Variants in PRMT1 observed in about 807,000 individuals in gnomAD.
The protein encoded by PRMT1 is protein arginine methyltransferase 1, also known as protein arginine N-methyltransferase 1.
PRMT1 carries 5 observed loss-of-function variants against 47.4 expected under a neutral mutation model. The observed-to-expected ratio is 0.11, with a 90% confidence interval of 0.06 to 0.22. The LOEUF is 0.22. PRMT1 is among the 10% of genes least tolerant of loss of function. PRMT1 has a pLI of 1.00. For missense variants in PRMT1, 249 were observed against 518.4 expected, an observed-to-expected ratio of 0.48 and a Z score of 5.05; for synonymous variants, 227 against 204.6, an observed-to-expected ratio of 1.11 and a Z score of -0.94.
At chr19:49,686,044 G>A (rs1202925355) in intron 8 of PRMT1, 49 bp from the exon 9 acceptor site, 7 of 1,580,080 alleles carry the variant, frequency 4.4e-6, no homozygotes, top group Middle Eastern at 2.0e-4. Flanking sequence ...AGGAGGGGAT[G>A]AAGCGAGGTG....
At chr19:49,686,781 TTGGGGGGGGAGTGG>T in intron 10 of PRMT1, 55 bp downstream of exon 10, 11 of 584,258 alleles carry the variant, frequency 1.9e-5, no homozygotes, top group South Asian at 5.0e-5. Context: ...GGAGTGTAGA[TTGGGGGGGGAGTGG>T]TGGGGGAGGA....
intron 9 of PRMT1, 146 bp downstream of exon 9, chr19:49,686,389 G>A: frequency 7.7e-7 from 1 of 1,292,402 alleles, no homozygotes; most frequent in East Asian, 2.5e-5. Flanking sequence ...GCAGTCACGT[G>A]GCCTTGGGCA....
rs2082114471 is a variant in PRMT1 at position 49,681,249 on chromosome 19, T to C, written c.192+661T>C. Among the ~76,000 whole-genome samples the C allele has an allele frequency of 6.6e-6, 1 of 152,076 alleles. No individual in the cohort carries two copies. The highest frequency in any genetic ancestry group is 2.4e-5 in the African/African-American group (1 of 41,430). On this transcript the variant is annotated intron_variant, in intron 3 of 10. Transcript: ENST00000454376. This position sits in a 1 kb window ranked among gnomAD's most constrained non-coding sequence, Gnocchi z 4.4. Reference sequence around the variant, plus strand: ...ATTTTTCTGTAGAGATAATCTTGCCTTGTTGCCCAGGCTGGTCTCAAACTC... The same window carrying C: ...ATTTTTCTGTAGAGATAATCTTGCCCTGTTGCCCAGGCTGGTCTCAAACTC...
upstream of PRMT1, chr19:49,677,169 C>A: frequency 1.8e-6 from 2 of 1,085,514 alleles, no homozygotes; most frequent in Non-Finnish European, 2.4e-6. Flanking sequence ...ATGAAATCTT[C>A]CAGCGGGGTC....
rs1462222506 is a variant in PRMT1 at position 49,685,750 on chromosome 19, T to G, written c.760-343T>G. The G allele has an allele frequency of 2.8e-6, 3 of 1,090,284 alleles. No homozygotes were observed. Among genetic ancestry groups the G allele is most frequent in the Non-Finnish European group, 3.4e-6 (3 of 895,274 alleles). 67.5% of individuals were successfully genotyped at this position (1,090,284 alleles called of 1,614,324 possible). A position where few individuals can be genotyped will look rare whatever the true frequency, so the allele number is the denominator to read the frequency against. ...GCAGGGTTTAGGTTGGCATTTGTGT[T>G]GCCGTTTGAAGCCATCATGTTGTTG... is the stretch of plus-strand genomic sequence containing the variant. On this transcript the variant is annotated intron_variant, in intron 8 of 10. Coordinates refer to ENST00000454376, the MANE Select transcript of PRMT1 (RefSeq NM_001536.6). This position sits in a 1 kb window ranked among gnomAD's most constrained non-coding sequence, Gnocchi z 4.7.
chr19:49,676,705 G>A (rs1485020896), upstream of PRMT1, among the ~76,000 whole-genome samples: 1 of 152,184 alleles, frequency 6.6e-6, no homozygotes, highest in Non-Finnish European at 1.5e-5. Context: ...TCCACCGAGT[G>A]GACGAGGAGT....
intron 1 of PRMT1, 189 bp from the exon 2 acceptor site, chr19:49,679,683 C>G: frequency 1.2e-4 from 70 of 587,814 alleles, no homozygotes; most frequent in East Asian, 3.5e-4. Context: ...ACCCCCCTTT[C>G]TTCTCCCCTC....
chr19:49,677,016 T>C, upstream of PRMT1: 3 of 385,224 alleles, frequency 7.8e-6, no homozygotes, highest in Middle Eastern at 6.6e-4. Flanking sequence ...CTTCTTGCAA[T>C]AGACGGGCAG....
Position 49,680,355 on chromosome 19 carries a change from G to A in PRMT1, c.91-132G>A. On this transcript the variant is annotated intron_variant, in intron 2 of 10. Transcript: ENST00000454376. The surrounding 1 kb of genome is among the most constrained non-coding windows in gnomAD (Gnocchi z 4.2). The stretch of plus-strand genomic sequence containing the variant: ...CCTGGGGGGGCAAGATGGCAGGCGG[G>A]GGCTGTAGGGTTGTCATGGTATGAT... The A allele has an allele frequency of 1.9e-6, 2 of 1,056,562 alleles. No homozygotes were observed. The highest frequency in any genetic ancestry group is 2.9e-6 in the Non-Finnish European group (2 of 689,998). 65.4% of individuals were successfully genotyped at this position (1,056,562 alleles called of 1,614,324 possible).
rs549468292 is a variant in PRMT1 at position 49,684,239 on chromosome 19, C to T, written c.555+170C>T. ...TGACAGACCCTGGAGGGAGATGGTG[C>T]GATGTGGGGGAGGTCGTAGGAACAG... On this transcript the variant is annotated intron_variant, in intron 6 of 10. Transcript: ENST00000454376. The surrounding 1 kb of genome is among the most constrained non-coding windows in gnomAD (Gnocchi z 6.2). 6.8e-4 allele frequency among the ~76,000 whole-genome samples: 103 copies of T among 151,912 alleles called. 1 individual carries two copies. Among genetic ancestry groups the T allele is most frequent in the African/African-American group, 2.2e-3 (93 of 41,402 alleles).
chr19:49,679,655 C>G, intron 1 of PRMT1: 1 of 693,728 alleles, frequency 1.4e-6, no homozygotes. Flanking sequence ...ATCTCTCCAG[C>G]CACAGCTGGG....
At chr19:49,677,869 G>T (rs2082060843) in intron 1 of PRMT1, among the ~76,000 whole-genome samples, 1 of 151,984 alleles carries the variant, frequency 6.6e-6, no homozygotes, top group Non-Finnish European at 1.5e-5. Flanking sequence ...CATCTGTTGG[G>T]ATATCGGACC....
At chr19:49,687,980 AT>A in intron 10 of PRMT1, 181 bp from the exon 11 acceptor site, 1 of 648,532 alleles carries the variant, frequency 1.5e-6, no homozygotes, top group Non-Finnish European at 2.8e-6. Flanking sequence ...GGGGGTGTCC[AT>A]GTGGTGCTGT....
chr19:49,677,252 G>T, upstream of PRMT1: 1 of 1,418,484 alleles, frequency 7.0e-7, no homozygotes, highest in Non-Finnish European at 9.2e-7. Context: ...GGGTCTTGGC[G>T]GCCGGAGGAG....
intron 1 of PRMT1, chr19:49,677,526 G>T (rs549485412): frequency 1.7e-5 from 7 of 413,772 alleles, no homozygotes; most frequent in Admixed American, 4.4e-5. Context: ...CTAGCGGAGG[G>T]TCTTATCCCC....
rs972178833 is a variant in PRMT1 at position 49,681,538 on chromosome 19, G to A, written c.193-372G>A. ...GGATCACCTGAGGTCAGGAGTTGAA[G>A]ACCAACCTGGGCAATATGGTGAAAC... On this transcript the variant is annotated intron_variant, in intron 3 of 10. Coordinates refer to ENST00000454376, the MANE Select transcript of PRMT1 (RefSeq NM_001536.6). This position sits in a 1 kb window ranked among gnomAD's most constrained non-coding sequence, Gnocchi z 4.4. Among the ~76,000 whole-genome samples, 1 of 152,112 alleles carries A rather than the reference G, an allele frequency of 6.6e-6. No homozygotes were observed. The highest frequency in any genetic ancestry group is 1.5e-5 in the Non-Finnish European group (1 of 68,028).
Position 49,688,347 on chromosome 19 carries a change from G to C in PRMT1, c.*102G>C. The C allele has an allele frequency of 8.6e-7, 1 of 1,162,178 alleles. No individual in the cohort carries two copies. The highest frequency in any genetic ancestry group is 1.3e-6 in the Non-Finnish European group (1 of 783,760). 72.0% of individuals were successfully genotyped at this position (1,162,178 alleles called of 1,614,324 possible). On this transcript the variant is annotated 3_prime_UTR_variant, in exon 11 of 11. Coordinates refer to ENST00000454376, the MANE Select transcript of PRMT1 (RefSeq NM_001536.6). This position sits in a 1 kb window ranked among gnomAD's most constrained non-coding sequence, Gnocchi z 5.3. The stretch of plus-strand genomic sequence containing the variant: ...CTCCCTCCCGCAGAAGGGGGTTTTA[G>C]GGGCCTGGGCTGGGGGGATGGGGAG...
In PRMT1 at chr19:49,681,693, G is replaced by A. The variant is rs1265267394; in HGVS notation, c.193-217G>A. On this transcript the variant is annotated intron_variant, in intron 3 of 10. Coordinates refer to ENST00000454376, the MANE Select transcript of PRMT1 (RefSeq NM_001536.6). This position sits in a 1 kb window ranked among gnomAD's most constrained non-coding sequence, Gnocchi z 4.4. ...GCGGAGGTTGCAGTGAGCTGAGATT[G>A]CACCATTGCACTCCAGCCTGGGCAA... is the stretch of plus-strand genomic sequence containing the variant. Among the ~76,000 whole-genome samples the A allele has an allele frequency of 6.6e-6, 1 of 152,050 alleles. No individual in the cohort carries two copies. The highest frequency in any genetic ancestry group is 1.5e-5 in the Non-Finnish European group (1 of 68,012).
In PRMT1 at chr19:49,680,698, GC is replaced by G. The variant is rs796455448; in HGVS notation, c.192+116del. On this transcript the variant is annotated intron_variant, in intron 3 of 10. Transcript: ENST00000454376. This position sits in a 1 kb window ranked among gnomAD's most constrained non-coding sequence, Gnocchi z 4.2. ...GCACTGCTTCCCCTGGCCGCAGGCC[GC>G]CCCCCTGCCCCTCTGCTGCGCACTT... 5.9e-6 allele frequency: 5 copies of G among 854,622 alleles called. No homozygotes were observed. The highest frequency in any genetic ancestry group is 2.7e-5 in the East Asian group (1 of 37,716). 52.9% of individuals were successfully genotyped at this position (854,622 alleles called of 1,614,324 possible). A position where few individuals can be genotyped will look rare whatever the true frequency, so the allele number is the denominator to read the frequency against.
Sources: gnomAD v4.1 joint callset for allele counts (sites outside exome capture counted in the v4.1 genomes callset) on GRCh38, gnomAD v4.1.1 for gene constraint, Gnocchi (gnomAD v3.1) non-coding constraint, MANE v1.5 for transcripts, NCBI Gene and HGNC (gene_info 2026-07-23, HGNC 2026-07-21) for gene names.